The following GNAS variants were observed in gnomAD, a reference collection of about 807,000 sequenced individuals.
GNAS encodes protein ALEX.
In GNAS, 8 loss-of-function variants were observed where a neutral mutation model predicts 54.5. That is an observed-to-expected ratio of 0.15 (90% CI 0.09 to 0.26). The LOEUF is 0.26. Ranked by LOEUF, GNAS falls within the 10% of genes least tolerant of loss-of-function variation. The pLI, the probability that GNAS is intolerant of heterozygous loss-of-function variation, is 1.00. For synonymous variants in GNAS, 204 were observed against 191.4 expected (o/e 1.07, Z -0.54); for missense variants, 170 against 529.8 (o/e 0.32, Z 6.67).
intron 1 of GNAS, chr20:58,892,323 G>A (rs1434490173): frequency 1.2e-5 from 3 of 250,066 alleles, no homozygotes; most frequent in South Asian, 1.5e-4. Flanking sequence ...ACCCGCCTCC[G>A]TGGGGTGTGA....
At chr20:58,854,604 C>A in intron 1 of GNAS, 1 of 1,540,098 alleles carries the variant, frequency 6.5e-7, no homozygotes, top group Non-Finnish European at 8.7e-7. Flanking sequence ...CGGGGCGGCC[C>A]CTGACGCCCC....
At chr20:58,900,066 A>C in intron 3 of GNAS, 1 of 583,214 alleles carries the variant, frequency 1.7e-6, no homozygotes. Flanking sequence ...CTATTCTGTT[A>C]TCTGAGGGGG....
rs1270188558 is a variant in GNAS, at chr20:58,854,053, C to T, written c.43+13167C>T. On this transcript the variant is annotated intron_variant, in intron 1 of 12. Coordinates refer to the GNAS transcript ENST00000306090. ...TTCGCGGCAGTCGCGGCCTCGAGTGCGGTCCGCCTCACTCCCGCCGCGAAC... is the reference window on the plus strand; with the variant it reads ...TTCGCGGCAGTCGCGGCCTCGAGTGTGGTCCGCCTCACTCCCGCCGCGAAC... 3.7e-6 allele frequency: 6 copies of T among 1,610,558 alleles called. No individual in the cohort carries two copies. Among genetic ancestry groups the T allele is most frequent in the Non-Finnish European group, 3.4e-6 (4 of 1,179,278 alleles).
chr20:58,908,293 G>A (rs2091215453), intron 6 of GNAS, among the ~76,000 whole-genome samples: 1 of 151,964 alleles, frequency 6.6e-6, no homozygotes, highest in Non-Finnish European at 1.5e-5. Flanking sequence ...AAATTTTCCT[G>A]TGTGTCTAGT....
chr20:58,887,628 G>GA (rs568486143), upstream of GNAS, among the ~76,000 whole-genome samples: 9 of 152,278 alleles, frequency 5.9e-5, no homozygotes, highest in East Asian at 1.7e-3. Flanking sequence ...TCAAAATAAG[G>GA]TGTATTTTTG....
upstream of GNAS, among the ~76,000 whole-genome samples, chr20:58,890,197 T>TGAA (rs369104721): frequency 4.9e-4 from 74 of 151,146 alleles, 1 homozygote; most frequent in South Asian, 7.9e-3. Flanking sequence ...GAGAAGATGC[T>TGAA]GAAGAAGAAG....
chr20:58,860,589 C>T (rs537797352), intron 1 of GNAS, among the ~76,000 whole-genome samples: 3 of 152,150 alleles, frequency 2.0e-5, no homozygotes, highest in African/African-American at 7.2e-5. Context: ...CTAGTCCAGG[C>T]TAATTTCCAT....
At chr20:58,855,243 C>T (rs751987537) in intron 1 of GNAS, 19 of 1,591,522 alleles carry the variant, frequency 1.2e-5, no homozygotes, top group African/African-American at 4.0e-5. Context: ...GGCCCAGAAG[C>T]GCGCAGAGAA....
At chr20:58,847,173 G>A (rs1356442649) in intron 1 of GNAS, among the ~76,000 whole-genome samples, 2 of 152,234 alleles carry the variant, frequency 1.3e-5, no homozygotes, top group Non-Finnish European at 2.9e-5. Context: ...GCTGAGTGAA[G>A]GGGTCTGAAC....
chr20:58,855,034 G>A lies in GNAS; in HGVS notation c.43+14148G>A, dbSNP rs746362206. The A allele has an allele frequency of 2.5e-6, 4 of 1,612,934 alleles. No homozygotes were observed. The South Asian group carries it at 3.3e-5, about 13-fold the overall frequency. ...GACGATGGGACCTCCGGATGCCTCC[G>A]CTGGTTTCAGCATCGGCGAAATCGC... On this transcript the variant is annotated intron_variant, in intron 1 of 12. Coordinates refer to the GNAS transcript ENST00000306090.
chr20:58,877,727 G>C (rs1470024059), intron 1 of GNAS, among the ~76,000 whole-genome samples: 2 of 152,230 alleles, frequency 1.3e-5, no homozygotes, highest in East Asian at 1.9e-4. Context: ...GCAAGAACGA[G>C]AGAACGGCGC....
In GNAS at chr20:58,841,978, A is replaced by T. The variant is rs944979999; in HGVS notation, c.43+1092A>T. On this transcript the variant is annotated intron_variant, in intron 1 of 12. Transcript: ENST00000306090. The surrounding 1 kb of genome is among the most constrained non-coding windows in gnomAD (Gnocchi z 5.0). ...GCGCGGTACGCGCAGAGCTGGGGAAAGGTGTTGGATCCGGCGCCAGTCCTT... is the reference window on the plus strand; with the variant it reads ...GCGCGGTACGCGCAGAGCTGGGGAATGGTGTTGGATCCGGCGCCAGTCCTT... The T allele has an allele frequency of 1.9e-5, 20 of 1,040,552 alleles. No individual in the cohort carries two copies. The highest frequency in any genetic ancestry group is 3.2e-5 in the East Asian group (1 of 30,874). 64.5% of individuals were successfully genotyped at this position (1,040,552 alleles called of 1,614,324 possible).
At position 58,841,676 on chromosome 20, in the gene GNAS, A is replaced by C; in HGVS notation, c.43+790A>C. 8.6e-7 allele frequency: 1 copy of C among 1,168,658 alleles called. No homozygotes were observed. Among genetic ancestry groups the C allele is most frequent in the Non-Finnish European group, 1.1e-6 (1 of 947,660 alleles). The allele number at this position is 1,168,658 out of a possible 1,614,324, so 72.4% of individuals were successfully genotyped here. A position where few individuals can be genotyped will look rare whatever the true frequency, so the allele number is the denominator to read the frequency against. On this transcript the variant is annotated intron_variant, in intron 1 of 12. Coordinates refer to the GNAS transcript ENST00000306090. This position sits in a 1 kb window ranked among gnomAD's most constrained non-coding sequence, Gnocchi z 5.0. The stretch of plus-strand genomic sequence containing the variant: ...GGTTAGGGGAAAGTACCTGGGGGAA[A>C]GGTAGAGGAGGTAAGGGGACCCTTG...
In GNAS at chr20:58,841,250, T is replaced by A. The variant is rs2085710281; in HGVS notation, c.43+364T>A. 1 of 960,074 alleles carries A rather than the reference T, an allele frequency of 1.0e-6. No individual in the cohort carries two copies. Among genetic ancestry groups the A allele is most frequent in the Admixed American group, 4.8e-5 (1 of 20,838 alleles). 59.5% of individuals were successfully genotyped at this position (960,074 alleles called of 1,614,324 possible). ...AGTCACTTGTTTTGCGCGCTTTTCT[T>A]CCTCCTAGAAAGACTAGTCTCAAAT... On this transcript the variant is annotated intron_variant, in intron 1 of 12. Coordinates refer to the GNAS transcript ENST00000306090. This position sits in a 1 kb window ranked among gnomAD's most constrained non-coding sequence, Gnocchi z 5.0.
rs139563082 is a variant in GNAS at position 58,844,338 on chromosome 20, C to T, written c.43+3452C>T. On this transcript the variant is annotated intron_variant, in intron 1 of 12. Coordinates refer to the GNAS transcript ENST00000306090. ...TGCTCTTCTCTAAAAAATCACCCAGCAGAGGGATGAGATGCTCAAATGACA... is the reference window on the plus strand; with the variant it reads ...TGCTCTTCTCTAAAAAATCACCCAGTAGAGGGATGAGATGCTCAAATGACA... Among the ~76,000 whole-genome samples, 9 of 152,316 alleles carry T rather than the reference C, an allele frequency of 5.9e-5. No individual in the cohort carries two copies. The East Asian group carries it at 1.7e-3, about 29-fold the overall frequency.
chr20:58,893,843 T>A (rs1161016699), intron 1 of GNAS, among the ~76,000 whole-genome samples: 1 of 152,254 alleles, frequency 6.6e-6, no homozygotes, highest in Non-Finnish European at 1.5e-5. Context: ...TCTTAAAATT[T>A]CCAACACCTT....
intron 1 of GNAS, chr20:58,850,635 C>T: frequency 2.5e-6 from 1 of 399,348 alleles, no homozygotes; most frequent in Non-Finnish European, 4.4e-6. Flanking sequence ...CTCTACCTCC[C>T]AGCCCTGGAA....
At chr20:58,866,583 A>T (rs995363493) in intron 1 of GNAS, among the ~76,000 whole-genome samples, 4 of 152,208 alleles carry the variant, frequency 2.6e-5, no homozygotes, top group African/African-American at 9.6e-5. Flanking sequence ...CCATTATGGA[A>T]GGGGACTTTA....
chr20:58,861,474 T>G (rs991024439), intron 1 of GNAS, among the ~76,000 whole-genome samples: 2 of 152,198 alleles, frequency 1.3e-5, no homozygotes, highest in Non-Finnish European at 2.9e-5. Context: ...ATGGAGCTTT[T>G]GTTCCCATCA....
Sources: allele counts gnomAD v4.1 joint callset (sites outside exome capture counted in the v4.1 genomes callset), GRCh38; gene constraint gnomAD v4.1.1; non-coding constraint Gnocchi (gnomAD v3.1); transcripts MANE v1.5; gene names NCBI Gene and HGNC (gene_info 2026-07-23, HGNC 2026-07-21).